The following PRKG1 variants were observed in gnomAD, a reference collection of about 807,000 sequenced individuals.
PRKG1 encodes the protein protein kinase cGMP-dependent 1, also known as cGMP-dependent protein kinase 1.
In PRKG1, 35 loss-of-function variants were observed where a neutral mutation model predicts 88.1. The observed-to-expected ratio is 0.40, with a 90% CI of 0.30 to 0.53. PRKG1 has a LOEUF of 0.53. PRKG1 is among the 20% of genes least tolerant of loss of function. The probability of loss-of-function intolerance (pLI) is 0.59; values close to 1 mark genes in which losing one functional copy is unlikely to be tolerated. For synonymous variants in PRKG1, 303 were observed against 292.5 expected, an observed-to-expected ratio of 1.04 and a Z score of -0.37; for missense variants, 540 against 839.8, an observed-to-expected ratio of 0.64 and a Z score of 4.41.
chr10:51,760,254 A>G (rs1837983414), intron 3 of PRKG1, among the ~76,000 whole-genome samples: 1 of 152,208 alleles, frequency 6.6e-6, no homozygotes, highest in Non-Finnish European at 1.5e-5. Flanking sequence ...CCTTTTATGT[A>G]ATCTTGTTTT....
chr10:51,262,108 G>A (rs1027034314), intron 2 of PRKG1, among the ~76,000 whole-genome samples: 4 of 151,470 alleles, frequency 2.6e-5, no homozygotes, highest in African/African-American at 9.7e-5. Flanking sequence ...GGATGGTCTC[G>A]ATCTCCTGAC....
At chr10:52,003,017 T>C (rs1470447745) in intron 5 of PRKG1, among the ~76,000 whole-genome samples, 1 of 152,158 alleles carries the variant, frequency 6.6e-6, no homozygotes, top group East Asian at 1.9e-4. Context: ...TGTGTCTCAT[T>C]TACCGTTCTC....
At chr10:51,170,751 G>GTCA (rs1435154733) in intron 2 of PRKG1, among the ~76,000 whole-genome samples, 1 of 117,912 alleles carries the variant, frequency 8.5e-6, no homozygotes, top group East Asian at 2.6e-4. Flanking sequence ...AGTGGGGTGA[G>GTCA]TCATTGCAGG....
chr10:51,576,552 TG>T (rs2132177318), intron 3 of PRKG1, among the ~76,000 whole-genome samples: 1 of 152,096 alleles, frequency 6.6e-6, no homozygotes, highest in African/African-American at 2.4e-5. Flanking sequence ...ACTGATGATT[TG>T]TTTCCTTGGA....
At chr10:52,157,341 A>G (rs1179896758) in intron 8 of PRKG1, among the ~76,000 whole-genome samples, 7 of 133,584 alleles carry the variant, frequency 5.2e-5, no homozygotes, top group African/African-American at 2.0e-4. Context: ...ATATATATGT[A>G]TATATATGTG....
At chr10:51,425,161 A>G (rs1838539817) in intron 2 of PRKG1, among the ~76,000 whole-genome samples, 1 of 152,224 alleles carries the variant, frequency 6.6e-6, no homozygotes, top group Non-Finnish European at 1.5e-5. Flanking sequence ...TGAGAACTAT[A>G]TATCAAATTC....
chr10:52,173,415 G>A (rs763067869), intron 9 of PRKG1, among the ~76,000 whole-genome samples: 2 of 152,064 alleles, frequency 1.3e-5, no homozygotes, highest in Admixed American at 6.5e-5. Context: ...GACTACCTTC[G>A]AAACTAGAAA....
chr10:51,891,368 G>C (rs1210082953), intron 4 of PRKG1, among the ~76,000 whole-genome samples: 5 of 152,098 alleles, frequency 3.3e-5, no homozygotes, highest in African/African-American at 1.2e-4. Context: ...TATTTATTAA[G>C]AGTTAATATT....
intron 1 of PRKG1, among the ~76,000 whole-genome samples, chr10:51,032,222 G>T (rs147256518): frequency 6.6e-6 from 1 of 152,086 alleles, no homozygotes; most frequent in Non-Finnish European, 1.5e-5. Context: ...CCTCTCTGAG[G>T]ATCTGTGACT....
chr10:52,242,039 G>A (rs1840875479), intron 9 of PRKG1: 1 of 152,226 alleles, frequency 6.6e-6, no homozygotes. Context: ...TGCAATGAGA[G>A]CTCTGTAGTA....
chr10:51,702,339 C>T (rs1841489529), intron 3 of PRKG1, among the ~76,000 whole-genome samples: 1 of 152,128 alleles, frequency 6.6e-6, no homozygotes, highest in Non-Finnish European at 1.5e-5. Context: ...ATTCCATGCC[C>T]AGAACACATG....
At chr10:51,565,023 C>G (rs1403661539) in intron 3 of PRKG1, among the ~76,000 whole-genome samples, 1 of 152,028 alleles carries the variant, frequency 6.6e-6, no homozygotes, top group African/African-American at 2.4e-5. Context: ...GCATTACACA[C>G]AAAAGGTCAT....
intron 2 of PRKG1, among the ~76,000 whole-genome samples, chr10:51,212,634 A>G (rs1300824340): frequency 6.6e-6 from 1 of 152,096 alleles, no homozygotes; most frequent in Admixed American, 6.6e-5. Flanking sequence ...AAAACAAACA[A>G]CCCCATCAAA....
intron 3 of PRKG1, among the ~76,000 whole-genome samples, chr10:51,737,940 G>T (rs559009667): frequency 1.9e-4 from 29 of 150,562 alleles, no homozygotes; most frequent in East Asian, 1.8e-3. Flanking sequence ...ATTTTTTTTT[G>T]TTTGTTTGTT....
At chr10:52,037,713 T>C (rs1314563703) in intron 5 of PRKG1, among the ~76,000 whole-genome samples, 1 of 152,114 alleles carries the variant, frequency 6.6e-6, no homozygotes, top group African/African-American at 2.4e-5. Context: ...GGAACGAAAC[T>C]GTAAGCCAGA....
intron 3 of PRKG1, among the ~76,000 whole-genome samples, chr10:51,706,974 T>C (rs1841621507): frequency 1.3e-5 from 2 of 152,220 alleles, no homozygotes; most frequent in South Asian, 4.1e-4. Flanking sequence ...TTTAGTCTGA[T>C]GCTATTTATT....
intron 3 of PRKG1, chr10:51,568,777 C>T (rs1837673151): frequency 6.6e-6 from 1 of 151,800 alleles, no homozygotes; most frequent in African/African-American, 2.4e-5. Context: ...TTTTACACTC[C>T]ATATACTGCA....
Position 52,082,935 on chromosome 10 carries a change from A to G in PRKG1, c.935+20304A>G, listed in dbSNP as rs139985312. Reference sequence around the variant, plus strand: ...GAGTAATAATGATATTTAGATTATGATGTTAAAGAAAGCTTATATCTTTTA... The same window carrying G: ...GAGTAATAATGATATTTAGATTATGGTGTTAAAGAAAGCTTATATCTTTTA... On this transcript the variant is annotated intron_variant, in intron 7 of 17. Transcript: ENST00000373980. 2.0e-5 allele frequency among the ~76,000 whole-genome samples: 3 copies of G among 152,216 alleles called. No individual in the cohort carries two copies. In the East Asian group the frequency reaches 5.8e-4, roughly 29 times the overall value.
intron 1 of PRKG1, among the ~76,000 whole-genome samples, chr10:51,107,118 T>C (rs1480886362): frequency 6.6e-6 from 1 of 151,884 alleles, no homozygotes; most frequent in Non-Finnish European, 1.5e-5. Flanking sequence ...TAAAAGGGGG[T>C]GGCCATGAAA....
Sources: gnomAD v4.1 joint callset for allele counts (sites outside exome capture counted in the v4.1 genomes callset) on GRCh38, gnomAD v4.1.1 for gene constraint, MANE v1.5 for transcripts, NCBI Gene and HGNC (gene_info 2026-07-23, HGNC 2026-07-21) for gene names.